The following GOT1 variants were observed in gnomAD, a reference collection of about 807,000 sequenced individuals.
GOT1 encodes glutamic-oxaloacetic transaminase 1, also known as aspartate aminotransferase, cytoplasmic.
GOT1 carries 25 observed loss-of-function variants against 48.2 expected under a neutral mutation model. The observed-to-expected ratio is 0.52, with a 90% CI of 0.38 to 0.72. The LOEUF is 0.72. Among genes scored for constraint, GOT1 ranks in the 30% least tolerant of loss-of-function variants. The probability of loss-of-function intolerance (pLI) is 0.00; values close to 1 mark genes in which losing one functional copy is unlikely to be tolerated. For synonymous variants in GOT1, 188 were observed against 193.8 expected, an observed-to-expected ratio of 0.97 and a Z score of 0.25; for missense variants, 380 against 520.1, an observed-to-expected ratio of 0.73 and a Z score of 2.62.
intron 1 of GOT1, among the ~76,000 whole-genome samples, chr10:99,429,088 C>T (rs1364306576): frequency 6.6e-6 from 1 of 150,992 alleles, no homozygotes; most frequent in African/African-American, 2.4e-5. Flanking sequence ...CTCGCTCTGT[C>T]GCCCAGCCTG....
intron 1 of GOT1, 135 bp from the exon 2 acceptor site, chr10:99,420,940 G>T: frequency 1.4e-6 from 1 of 725,708 alleles, no homozygotes; most frequent in Non-Finnish European, 2.2e-6. Flanking sequence ...AGAAAAGTTT[G>T]TTCACTTACT....
chr10:99,421,892 GGTT>G (rs1272128222), intron 1 of GOT1, among the ~76,000 whole-genome samples: 1 of 152,128 alleles, frequency 6.6e-6, no homozygotes, highest in East Asian at 1.9e-4. Context: ...TACATTTTAG[GGTT>G]GTTGTTACCA....
At chr10:99,412,634 G>A (rs925900783) in intron 2 of GOT1, among the ~76,000 whole-genome samples, 1 of 151,922 alleles carries the variant, frequency 6.6e-6, no homozygotes, top group Non-Finnish European at 1.5e-5. Flanking sequence ...ATCTAAGAAC[G>A]GACAGCCTGC....
chr10:99,397,774 T>G lies in GOT1; in HGVS notation c.1103-88A>C, dbSNP rs2032619987. 1 of 1,283,752 alleles carries G rather than the reference T, an allele frequency of 7.8e-7. No homozygotes were observed. Among genetic ancestry groups the G allele is most frequent in the Non-Finnish European group, 1.1e-6 (1 of 895,806 alleles). The allele number at this position is 1,283,752 out of a possible 1,614,324, so 79.5% of individuals were successfully genotyped here. A position where few individuals can be genotyped will look rare whatever the true frequency, so the allele number is the denominator to read the frequency against. On this transcript the variant is annotated intron_variant, in intron 8 of 8. Coordinates refer to ENST00000370508, the MANE Select transcript of GOT1 (RefSeq NM_002079.3). The surrounding 1 kb of genome is among the most constrained non-coding windows in gnomAD (Gnocchi z 5.4). ...AGCAATTATATGACAATTACAGCTTTACTTCTTTCCCCTTAACAGAGAGAA... is the reference window on the plus strand; with the variant it reads ...AGCAATTATATGACAATTACAGCTTGACTTCTTTCCCCTTAACAGAGAGAA...
intron 2 of GOT1, among the ~76,000 whole-genome samples, chr10:99,407,893 A>C (rs1329063051): frequency 6.6e-6 from 1 of 151,992 alleles, no homozygotes; most frequent in Non-Finnish European, 1.5e-5. Flanking sequence ...TGTGGCACCC[A>C]TCAACCCGTC....
Position 99,403,549 on chromosome 10 carries a change from C to T in GOT1, c.879G>A (p.Arg293=). 1.2e-6 allele frequency: 2 copies of T among 1,614,146 alleles called. No homozygotes were observed. The highest frequency in any genetic ancestry group is 2.2e-5 in the South Asian group (2 of 91,084). ...GGGCGGGGGGATTGGACCAAGTAATCCGCACGATCTTCTCCATCTGGGAAA... is the reference window on the plus strand; with the variant it reads ...GGGCGGGGGGATTGGACCAAGTAATTCGCACGATCTTCTCCATCTGGGAAA... ...QVLSQMEKIV[R]ITWSNPPAQG... The change falls in exon 7 of 9, where the codon CGG becomes CGA. Residue 293 remains arginine, a synonymous_variant. Coordinates refer to ENST00000370508, the MANE Select transcript of GOT1 (RefSeq NM_002079.3).
Position 99,430,427 on chromosome 10 carries a change from T to A in GOT1, c.118+21A>T. 3 of 1,603,816 alleles carry A rather than the reference T, an allele frequency of 1.9e-6. No homozygotes were observed. In the South Asian group the frequency reaches 3.4e-5, roughly 18 times the overall value. Reference sequence around the variant, plus strand: ...GCTCCACTCCCCGAGCTGCTCACACTCCAGAGCACTACATCCTTACCTCCC... The same window carrying A: ...GCTCCACTCCCCGAGCTGCTCACACACCAGAGCACTACATCCTTACCTCCC... On this transcript the variant is annotated intron_variant, in intron 1 of 8. Transcript: ENST00000370508.
At chr10:99,430,164 T>A (rs1169715258) in intron 1 of GOT1, 1 of 719,802 alleles carries the variant, frequency 1.4e-6, no homozygotes, top group Non-Finnish European at 2.3e-6. Context: ...GAGGATGCAG[T>A]ATAAAGAAGG....
chr10:99,410,091 ACT>A (rs747133770), intron 2 of GOT1, among the ~76,000 whole-genome samples: 2 of 152,026 alleles, frequency 1.3e-5, no homozygotes, highest in African/African-American at 2.4e-5. Flanking sequence ...TGTGCTAACT[ACT>A]CTGTTATTTA....
At chr10:99,403,103 G>T (rs1048930167) in intron 7 of GOT1, among the ~76,000 whole-genome samples, 2 of 151,286 alleles carry the variant, frequency 1.3e-5, no homozygotes, top group Non-Finnish European at 2.9e-5. Context: ...AAGATAAAGT[G>T]TATGTAAATT....
At chr10:99,430,426 C>G (rs1401492900) in intron 1 of GOT1, 22 bp downstream of exon 1, 2 of 1,603,482 alleles carry the variant, frequency 1.2e-6, no homozygotes, top group Non-Finnish European at 1.7e-6. Context: ...GCTGCTCACA[C>G]TCCAGAGCAC....
chr10:99,408,107 T>C (rs2032784504), intron 2 of GOT1, among the ~76,000 whole-genome samples: 2 of 152,294 alleles, frequency 1.3e-5, no homozygotes, highest in Middle Eastern at 6.8e-3. Context: ...AATGCTTTCA[T>C]GTATACTCAA....
At chr10:99,415,629 G>A (rs976559143) in intron 2 of GOT1, among the ~76,000 whole-genome samples, 2 of 152,134 alleles carry the variant, frequency 1.3e-5, no homozygotes, top group Admixed American at 6.6e-5. Flanking sequence ...GCCTGGCAGA[G>A]ACACAACCAA....
intron 1 of GOT1, among the ~76,000 whole-genome samples, chr10:99,422,751 C>T (rs73328382): frequency 1.3e-5 from 2 of 152,132 alleles, no homozygotes; most frequent in African/African-American, 4.8e-5. Context: ...CAAAAGGTAG[C>T]ATACGGCATA....
intron 2 of GOT1, among the ~76,000 whole-genome samples, chr10:99,407,168 A>G (rs2032771023): frequency 7.4e-6 from 1 of 135,968 alleles, no homozygotes; most frequent in Non-Finnish European, 1.6e-5. Context: ...TAGAGGACAC[A>G]CCGAGGCCAC....
chr10:99,419,029 C>T (rs2032934538), intron 2 of GOT1, among the ~76,000 whole-genome samples: 1 of 152,204 alleles, frequency 6.6e-6, no homozygotes, highest in Admixed American at 6.5e-5. Flanking sequence ...AGACCTTCAC[C>T]AGGGCCTTCC....
At position 99,402,661 on chromosome 10, in the gene GOT1, G is replaced by A. The variant is rs201272543; in HGVS notation, c.1021C>T (p.Arg341Ter). ...ILTMRSELRA[R>*]LEALKTPGTW... ...CCAGGGGTTTTGAGGGCTTCTAGTC[G>A]TGCCCTGAGTTCAGATCTCATGGTC... Residue 341 changes from arginine (R) to a stop codon, truncating the protein, a stop_gained, in exon 8 of 9, where the codon CGA (arginine) becomes TGA (stop). Coordinates refer to ENST00000370508, the MANE Select transcript of GOT1 (RefSeq NM_002079.3). LOFTEE classifies it high-confidence loss of function. The A allele has an allele frequency of 8.1e-6, 13 of 1,613,318 alleles. No homozygotes were observed. Among genetic ancestry groups the A allele is most frequent in the Non-Finnish European group, 1.1e-5 (13 of 1,179,242 alleles).
intron 8 of GOT1, among the ~76,000 whole-genome samples, chr10:99,400,894 T>C (rs2032666078): frequency 6.6e-6 from 1 of 152,142 alleles, no homozygotes; most frequent in Non-Finnish European, 1.5e-5. Context: ...TGAGCCAAGA[T>C]TGTGCCACTG....
chr10:99,418,482 G>A (rs886127232), intron 2 of GOT1, among the ~76,000 whole-genome samples: 1 of 143,010 alleles, frequency 7.0e-6, no homozygotes, highest in Admixed American at 7.5e-5. Context: ...AGTGGCCTAT[G>A]TTCCCCACTT....
Sources: allele counts gnomAD v4.1 joint callset (sites outside exome capture counted in the v4.1 genomes callset), GRCh38; gene constraint gnomAD v4.1.1; non-coding constraint Gnocchi (gnomAD v3.1); transcripts MANE v1.5; gene names NCBI Gene and HGNC (gene_info 2026-07-23, HGNC 2026-07-21).